Variants in JAZF1 observed in about 807,000 individuals in gnomAD.
The protein encoded by JAZF1 is JAZF zinc finger 1, also known as juxtaposed with another zinc finger protein 1.
A neutral mutation model predicts 26.4 loss-of-function variants in JAZF1; 8 were observed. That is an observed-to-expected ratio of 0.30 (90% CI 0.18 to 0.55). The LOEUF (loss-of-function observed/expected upper bound fraction) is 0.55, where lower values mean the gene tolerates loss of function less well. Ranked by LOEUF, JAZF1 falls within the 20% of genes least tolerant of loss-of-function variation. The probability of loss-of-function intolerance (pLI) is 0.94; values close to 1 mark genes in which losing one functional copy is unlikely to be tolerated. For missense variants in JAZF1, 199 were observed against 322.0 expected (o/e 0.62, Z 2.92); for synonymous variants, 126 against 122.3 (o/e 1.03, Z -0.20).
At chr7:28,158,205 G>GGA (rs1222885562) in intron 1 of JAZF1, among the ~76,000 whole-genome samples, 79 of 89,232 alleles carry the variant, frequency 8.9e-4, no homozygotes, top group South Asian at 7.2e-3. Flanking sequence ...AGAGAGAGAG[G>GGA]GAGAGAGAGA....
chr7:28,090,637 G>A (rs1218785881), intron 1 of JAZF1, among the ~76,000 whole-genome samples: 1 of 152,074 alleles, frequency 6.6e-6, no homozygotes, highest in African/African-American at 2.4e-5. Flanking sequence ...CCACATAATA[G>A]AGAAGAAAAG....
At chr7:28,161,257 TAAAA>T (rs10630786) in intron 1 of JAZF1, among the ~76,000 whole-genome samples, 35 of 77,168 alleles carry the variant, frequency 4.5e-4, no homozygotes, top group African/African-American at 1.6e-3. Context: ...TCCTTTAATC[TAAAA>T]AAAAAAAAAA....
chr7:28,099,329 G>A (rs557752292), intron 1 of JAZF1, among the ~76,000 whole-genome samples: 78 of 148,868 alleles, frequency 5.2e-4, no homozygotes, highest in African/African-American at 1.7e-3. Context: ...TTCATTGTCT[G>A]TTCACAACTT....
intron 1 of JAZF1, among the ~76,000 whole-genome samples, chr7:28,063,266 A>G (rs1293318134): frequency 6.6e-6 from 1 of 152,266 alleles, no homozygotes; most frequent in Non-Finnish European, 1.5e-5. Flanking sequence ...AATTACTTCC[A>G]GAATAACATT....
chr7:27,888,335 C>A (rs1432172313), intron 3 of JAZF1, among the ~76,000 whole-genome samples: 1 of 152,126 alleles, frequency 6.6e-6, no homozygotes, highest in African/African-American at 2.4e-5. Flanking sequence ...ATTTTTCCTT[C>A]CATTTTGTTC....
At chr7:28,129,123 A>T (rs980478334) in intron 1 of JAZF1, among the ~76,000 whole-genome samples, 1 of 115,232 alleles carries the variant, frequency 8.7e-6, no homozygotes, top group African/African-American at 5.1e-5. Flanking sequence ...CATTGGACAG[A>T]GGGTCTTTCT....
At chr7:28,063,469 A>G (rs531888049) in intron 1 of JAZF1, among the ~76,000 whole-genome samples, 5 of 152,326 alleles carry the variant, frequency 3.3e-5, no homozygotes, top group African/African-American at 1.2e-4. Flanking sequence ...GGGAGACTTC[A>G]TAGCAAAATA....
intron 2 of JAZF1, among the ~76,000 whole-genome samples, chr7:27,970,477 T>G (rs548170450): frequency 6.6e-6 from 1 of 152,250 alleles, no homozygotes; most frequent in South Asian, 2.1e-4. Context: ...CCCAAAAAAC[T>G]TACATCATTA....
chr7:27,870,004 G>A (rs1028295142), intron 3 of JAZF1, among the ~76,000 whole-genome samples: 3 of 151,956 alleles, frequency 2.0e-5, no homozygotes, highest in African/African-American at 7.3e-5. Flanking sequence ...TGCATCCTGG[G>A]TTCAAGTGAA....
At chr7:28,136,569 G>A (rs1387734408) in intron 1 of JAZF1, among the ~76,000 whole-genome samples, 2 of 152,256 alleles carry the variant, frequency 1.3e-5, no homozygotes, top group African/African-American at 4.8e-5. Context: ...TGAGTTGAAT[G>A]TGTGGTATGA....
At chr7:27,967,612 A>C (rs867774566) in intron 2 of JAZF1, among the ~76,000 whole-genome samples, 9 of 152,320 alleles carry the variant, frequency 5.9e-5, no homozygotes, top group Middle Eastern at 3.4e-3. Flanking sequence ...CTCTAATGCA[A>C]TTTTACACAT....
At chr7:27,886,903 T>C (rs1421039332) in intron 3 of JAZF1, among the ~76,000 whole-genome samples, 3 of 152,206 alleles carry the variant, frequency 2.0e-5, no homozygotes, top group Admixed American at 6.5e-5. Flanking sequence ...GTATACACCA[T>C]GGCATACTAT....
chr7:27,887,802 A>G (rs1196679812), intron 3 of JAZF1, among the ~76,000 whole-genome samples: 1 of 152,174 alleles, frequency 6.6e-6, no homozygotes, highest in Non-Finnish European at 1.5e-5. Context: ...AACAAATAAA[A>G]TCCTATTTCC....
At chr7:28,044,226 T>A (rs1244244408) in intron 1 of JAZF1, among the ~76,000 whole-genome samples, 2 of 152,204 alleles carry the variant, frequency 1.3e-5, no homozygotes, top group Non-Finnish European at 2.9e-5. Context: ...CATCTCTTCT[T>A]AGCTAGTAAG....
At chr7:28,003,648 G>A (rs1317418138) in intron 1 of JAZF1, among the ~76,000 whole-genome samples, 3 of 152,240 alleles carry the variant, frequency 2.0e-5, no homozygotes, top group African/African-American at 7.2e-5. Flanking sequence ...TATTAATGCA[G>A]ATCTGTTCCC....
At chr7:28,071,052 T>C (rs570357947) in intron 1 of JAZF1, among the ~76,000 whole-genome samples, 1 of 152,022 alleles carries the variant, frequency 6.6e-6, no homozygotes, top group African/African-American at 2.4e-5. Flanking sequence ...CGGGTGAAGG[T>C]AAGATAAACA....
rs58952216 is a variant in JAZF1 at position 28,174,821 on chromosome 7, GGTGT to G, written c.115+5638_115+5641del. On this transcript the variant is annotated intron_variant, in intron 1 of 4. Coordinates refer to ENST00000283928, the MANE Select transcript of JAZF1 (RefSeq NM_175061.4). ...CCTGATCCTGCCTATGGGGTGTGTG[GGTGT>G]GTGTGTGTGTGTGTGTGTGTGTGTA... Among the ~76,000 whole-genome samples the G allele has an allele frequency of 7.4e-5, 8 of 107,680 alleles. 1 individual carries two copies. Among genetic ancestry groups the G allele is most frequent in the South Asian group, 5.7e-4 (2 of 3,522 alleles). 70.6% of individuals were successfully genotyped at this position (107,680 alleles called of 152,430 possible).
intron 3 of JAZF1, among the ~76,000 whole-genome samples, chr7:27,887,442 G>A (rs554587147): frequency 2.0e-5 from 3 of 151,994 alleles, no homozygotes; most frequent in African/African-American, 7.2e-5. Context: ...TTGAGATGAA[G>A]TATCACTCTG....
At chr7:28,037,375 T>C (rs1162172030) in intron 1 of JAZF1, among the ~76,000 whole-genome samples, 4 of 152,206 alleles carry the variant, frequency 2.6e-5, no homozygotes, top group Non-Finnish European at 4.4e-5. Context: ...ATGATTCATC[T>C]GTGTAGTATT....
Sources: allele counts gnomAD v4.1 joint callset (sites outside exome capture counted in the v4.1 genomes callset), GRCh38; gene constraint gnomAD v4.1.1; transcripts MANE v1.5; gene names NCBI Gene and HGNC (gene_info 2026-07-23, HGNC 2026-07-21).